Variants in AP3B1 observed in about 807,000 individuals in gnomAD.
AP3B1 encodes adaptor related protein complex 3 subunit beta 1.
AP3B1 carries 61 observed loss-of-function variants against 132.5 expected under a neutral mutation model. The ratio of observed to expected loss-of-function variants is 0.46; its 90% CI spans 0.37 to 0.57. The LOEUF is 0.57. Ranked by LOEUF, AP3B1 falls within the 20% of genes least tolerant of loss-of-function variation. AP3B1 has a pLI of 0.00. For missense variants in AP3B1, 1,120 were observed against 1,289.4 expected, an observed-to-expected ratio of 0.87 and a Z score of 2.01; for synonymous variants, 388 against 438.3, an observed-to-expected ratio of 0.89 and a Z score of 1.43.
intron 7 of AP3B1, among the ~76,000 whole-genome samples, chr5:78,213,628 T>A (rs951912947): frequency 6.6e-5 from 10 of 152,166 alleles, no homozygotes; most frequent in African/African-American, 2.4e-4. Context: ...TGAATTGAGG[T>A]CAACTGATAT....
intron 17 of AP3B1, 50 bp from the exon 18 acceptor site, chr5:78,116,284 A>G: frequency 6.6e-7 from 1 of 1,505,294 alleles, no homozygotes; most frequent in Non-Finnish European, 9.2e-7. Flanking sequence ...TCAGAGATTT[A>G]GAGTTCTGGC....
At chr5:78,220,597 C>A (rs1288263991) in intron 6 of AP3B1, among the ~76,000 whole-genome samples, 1 of 151,002 alleles carries the variant, frequency 6.6e-6, no homozygotes, top group Non-Finnish European at 1.5e-5. Flanking sequence ...GGAAAAGATT[C>A]TTGGTAGATC....
At chr5:78,220,094 C>G (rs1022465066) in intron 6 of AP3B1, among the ~76,000 whole-genome samples, 24 of 151,892 alleles carry the variant, frequency 1.6e-4, no homozygotes, top group Non-Finnish European at 2.8e-4. Context: ...GAGAAATGTA[C>G]CTGTCTTCCT....
chr5:78,209,603 A>G lies in AP3B1; in HGVS notation c.786+6452T>C, dbSNP rs79678159. On this transcript the variant is annotated intron_variant, in intron 7 of 26. Transcript: ENST00000255194. ...TCCCTAAAATGTATAAAAGCAAGCT[A>G]TAGCAACCATGGGCACATGTCATCA... is the stretch of plus-strand genomic sequence containing the variant. 8.4e-3 allele frequency among the ~76,000 whole-genome samples: 1,272 copies of G among 152,322 alleles called. 5 individuals carry two copies. Among genetic ancestry groups the G allele is most frequent in the Non-Finnish European group, 0.015 (1,007 of 68,020 alleles).
intron 7 of AP3B1, among the ~76,000 whole-genome samples, chr5:78,204,136 T>G (rs1745408933): frequency 6.6e-6 from 1 of 152,160 alleles, no homozygotes; most frequent in African/African-American, 2.4e-5. Context: ...ATGGGTTTCT[T>G]TACATTCCTC....
In AP3B1 at chr5:78,252,482, G is replaced by A. The variant is rs1561200880; in HGVS notation, c.205-11546C>T. Among the ~76,000 whole-genome samples, 3 of 152,080 alleles carry A rather than the reference G, an allele frequency of 2.0e-5. No homozygotes were observed. The South Asian group carries it at 6.2e-4, about 31-fold the overall frequency. ...TCCTGAAGGGTGAGTCCCAGGCCAA[G>A]CAGCATTCATGAAAAGTACTGCCAG... is the stretch of plus-strand genomic sequence containing the variant. On this transcript the variant is annotated intron_variant, in intron 2 of 26. Coordinates refer to ENST00000255194, the MANE Select transcript of AP3B1 (RefSeq NM_003664.5).
intron 24 of AP3B1, among the ~76,000 whole-genome samples, chr5:78,033,038 G>C (rs1027464311): frequency 2.0e-5 from 3 of 152,010 alleles, no homozygotes; most frequent in African/African-American, 4.8e-5. Flanking sequence ...AATTACATAG[G>C]AATCAAAAGG....
intron 22 of AP3B1, among the ~76,000 whole-genome samples, chr5:78,087,135 T>C (rs1750295155): frequency 6.6e-6 from 1 of 152,158 alleles, no homozygotes; most frequent in African/African-American, 2.4e-5. Context: ...CTTTTATTTT[T>C]TCTATTCAAC....
intron 22 of AP3B1, among the ~76,000 whole-genome samples, chr5:78,039,792 AGAAAAG>A (rs1747984538): frequency 6.9e-6 from 1 of 144,398 alleles, no homozygotes; most frequent in Non-Finnish European, 1.5e-5. Flanking sequence ...AAAAAAAAAA[AGAAAAG>A]AAAAGAAAAA....
intron 22 of AP3B1, among the ~76,000 whole-genome samples, chr5:78,062,565 C>G (rs962811218): frequency 6.6e-6 from 1 of 152,128 alleles, no homozygotes; most frequent in African/African-American, 2.4e-5. Context: ...TTAAAAAACT[C>G]ATGACATTTC....
At chr5:78,179,038 T>C (rs1196656429) in intron 8 of AP3B1, among the ~76,000 whole-genome samples, 1 of 152,208 alleles carries the variant, frequency 6.6e-6, no homozygotes, top group Non-Finnish European at 1.5e-5. Context: ...AATGCAAGAA[T>C]ATCTCATTTC....
intron 15 of AP3B1, among the ~76,000 whole-genome samples, chr5:78,136,249 T>A (rs1029135904): frequency 1.3e-5 from 2 of 152,218 alleles, no homozygotes; most frequent in African/African-American, 4.8e-5. Context: ...CAAGGAAATC[T>A]AAGCATTTTA....
intron 7 of AP3B1, among the ~76,000 whole-genome samples, chr5:78,187,546 C>A (rs1006981674): frequency 1.1e-4 from 16 of 151,664 alleles, no homozygotes; most frequent in African/African-American, 2.4e-5. Context: ...TATATTATAA[C>A]AGTAAAACTA....
At chr5:78,159,093 C>T (rs918398216) in intron 13 of AP3B1, among the ~76,000 whole-genome samples, 1 of 152,136 alleles carries the variant, frequency 6.6e-6, no homozygotes, top group Non-Finnish European at 1.5e-5. Context: ...AACTTACACT[C>T]TAGCAGAAAA....
intron 22 of AP3B1, among the ~76,000 whole-genome samples, chr5:78,052,349 G>C (rs1163563394): frequency 6.6e-6 from 1 of 152,058 alleles, no homozygotes; most frequent in African/African-American, 2.4e-5. Context: ...GTATTAAGCA[G>C]GCACCAGCAA....
chr5:78,059,758 G>GA (rs938410352), intron 22 of AP3B1, among the ~76,000 whole-genome samples: 15 of 151,846 alleles, frequency 9.9e-5, no homozygotes, highest in Non-Finnish European at 1.9e-4. Flanking sequence ...GGCAACAAAT[G>GA]AAAAAAATAA....
chr5:78,197,180 CT>C (rs1561471435), intron 7 of AP3B1, among the ~76,000 whole-genome samples: 1 of 151,820 alleles, frequency 6.6e-6, no homozygotes, highest in Non-Finnish European at 1.5e-5. Flanking sequence ...AAAAATAAAG[CT>C]TATTTTTATT....
At position 78,110,253 on chromosome 5, in the gene AP3B1, G is replaced by C; in HGVS notation, c.2351C>G (p.Ser784Ter). Residue 784 changes from serine (S) to a stop codon, truncating the protein, a stop_gained, in exon 20 of 27, where the codon TCA becomes TGA. Transcript: ENST00000255194. LOFTEE classifies it high-confidence loss of function. ...AGATTCACTTTCAGGTTCTGACTCT[G>C]ATTCAGAATCGGAAGAACTGTCTTC... ...SIEDSSSDSE[S>*]ESEPESESES... The C allele has an allele frequency of 6.2e-7, 1 of 1,608,710 alleles. No homozygotes were observed. Among genetic ancestry groups the C allele is most frequent in the Non-Finnish European group, 8.5e-7 (1 of 1,176,760 alleles).
At position 78,141,227 on chromosome 5, in the gene AP3B1, A is replaced by C; in HGVS notation, c.1566T>G (p.Ala522=). Residue 522 remains alanine, a synonymous_variant, in exon 15 of 27, where the codon GCT becomes GCG. Coordinates refer to ENST00000255194, the MANE Select transcript of AP3B1 (RefSeq NM_003664.5). ...GATCATCTTCACTAGTGAAGCTTTT[A>C]GCCATCTTCCTCAAAACATCAGGGG... ...KIAPDVLRKM[A]KSFTSEDDLV... is the part of the protein sequence containing the mutation. 6.2e-7 allele frequency: 1 copy of C among 1,613,798 alleles called. No homozygotes were observed. The highest frequency in any genetic ancestry group is 8.5e-7 in the Non-Finnish European group (1 of 1,179,748).
Sources: allele counts gnomAD v4.1 joint callset (sites outside exome capture counted in the v4.1 genomes callset), GRCh38; gene constraint gnomAD v4.1.1; transcripts MANE v1.5; gene names NCBI Gene and HGNC (gene_info 2026-07-23, HGNC 2026-07-21).